SND1: variants seen among roughly 807,000 people sequenced by gnomAD.
SND1 encodes staphylococcal nuclease and tudor domain containing 1.
In SND1, 38 loss-of-function variants were observed where a neutral mutation model predicts 121.7. That is an observed-to-expected ratio of 0.31 (90% CI 0.24 to 0.41). The LOEUF is 0.41. SND1 is among the 10% of genes least tolerant of loss of function. The pLI is 1.00. For synonymous variants in SND1, 401 were observed against 447.4 expected (o/e 0.90, Z 1.31); for missense variants, 868 against 1,184.6 (o/e 0.73, Z 3.92).
intron 15 of SND1, among the ~76,000 whole-genome samples, chr7:127,975,769 G>T (rs566101403): frequency 1.3e-5 from 2 of 152,152 alleles, no homozygotes; most frequent in African/African-American, 4.8e-5. Context: ...TTTTGCCCTG[G>T]CATGAGACTT....
At chr7:127,822,246 A>C (rs927823439) in intron 11 of SND1, among the ~76,000 whole-genome samples, 2 of 152,166 alleles carry the variant, frequency 1.3e-5, no homozygotes, top group African/African-American at 4.8e-5. Flanking sequence ...CCCTTTTTAC[A>C]CATATACTAG....
chr7:127,774,533 C>T (rs760241417), intron 10 of SND1, among the ~76,000 whole-genome samples: 2 of 152,052 alleles, frequency 1.3e-5, no homozygotes, highest in Admixed American at 6.6e-5. Context: ...TCATGGAACA[C>T]GCTGTAGTCA....
At chr7:128,077,971 A>G (rs1476164408) in intron 17 of SND1, among the ~76,000 whole-genome samples, 1 of 152,212 alleles carries the variant, frequency 6.6e-6, no homozygotes, top group African/African-American at 2.4e-5. Flanking sequence ...CAGGAAGAGG[A>G]GCATCTACAA....
At chr7:128,019,488 G>A (rs1803300645) in intron 16 of SND1, among the ~76,000 whole-genome samples, 1 of 152,150 alleles carries the variant, frequency 6.6e-6, no homozygotes, top group South Asian at 2.1e-4. Context: ...GGTCTCTAGG[G>A]GAGCTAGCAG....
rs962078447 is a variant in SND1 at position 128,015,694 on chromosome 7, C to A, written c.1779+24638C>A. On this transcript the variant is annotated intron_variant, in intron 16 of 23. Transcript: ENST00000354725. The surrounding 1 kb of genome is among the most constrained non-coding windows in gnomAD (Gnocchi z 4.5). ...CAAGTATGAGAGGGGTCATGGGTGA[C>A]CTTGTTCAAGAGAAAGATATGGCTG... Among the ~76,000 whole-genome samples the A allele has an allele frequency of 6.6e-6, 1 of 152,118 alleles. No individual in the cohort carries two copies. The highest frequency in any genetic ancestry group is 1.5e-5 in the Non-Finnish European group (1 of 68,030).
chr7:127,871,075 T>C (rs1006796891), intron 12 of SND1, among the ~76,000 whole-genome samples: 3 of 152,166 alleles, frequency 2.0e-5, no homozygotes, highest in East Asian at 1.9e-4. Flanking sequence ...ACAGTCAGGA[T>C]AATCCTTATC....
At chr7:127,903,605 A>G (rs1800277173) in intron 13 of SND1, among the ~76,000 whole-genome samples, 1 of 152,162 alleles carries the variant, frequency 6.6e-6, no homozygotes, top group Non-Finnish European at 1.5e-5. Flanking sequence ...GGATGATAAA[A>G]GCCCAAGTGT....
chr7:127,718,037 A>AT (rs753855069), intron 9 of SND1, among the ~76,000 whole-genome samples: 7 of 151,930 alleles, frequency 4.6e-5, no homozygotes, highest in Non-Finnish European at 7.4e-5. Flanking sequence ...TCATTAAACC[A>AT]TTTTTTCCTT....
chr7:127,945,709 T>C (rs977525461), intron 15 of SND1, among the ~76,000 whole-genome samples: 2 of 151,864 alleles, frequency 1.3e-5, no homozygotes, highest in Non-Finnish European at 2.9e-5. Context: ...GAATAAGTGG[T>C]TTGGATTAGG....
chr7:128,024,815 G>C (rs1220625411), intron 16 of SND1, among the ~76,000 whole-genome samples: 2 of 152,164 alleles, frequency 1.3e-5, no homozygotes, highest in Non-Finnish European at 2.9e-5. Context: ...TAGAGCTGGG[G>C]TAGATACAGT....
chr7:127,717,445 C>A (rs1796410874), intron 9 of SND1, among the ~76,000 whole-genome samples: 1 of 151,980 alleles, frequency 6.6e-6, no homozygotes. Context: ...TTGTCTGATG[C>A]CTGATTTCCA....
At position 127,782,675 on chromosome 7, in the gene SND1, T is replaced by G. The variant is rs118029046; in HGVS notation, c.1153-24809T>G. ...TTAAAGAAAGTAACCAAACCTTACT[T>G]GGAACACTTGGCTCCTCCCTCTGCA... On this transcript the variant is annotated intron_variant, in intron 10 of 23. Transcript: ENST00000354725. Among the ~76,000 whole-genome samples, 921 of 152,258 alleles carry G rather than the reference T, an allele frequency of 6.0e-3. 6 individuals carry two copies. The highest frequency in any genetic ancestry group is 0.033 in the South Asian group (161 of 4,824).
chr7:127,856,181 A>G (rs183990908), intron 12 of SND1, among the ~76,000 whole-genome samples: 2 of 152,352 alleles, frequency 1.3e-5, no homozygotes, highest in East Asian at 3.9e-4. Flanking sequence ...AGCTTAACAC[A>G]TATTTACCAT....
At chr7:127,985,163 G>A (rs1165410176) in intron 15 of SND1, among the ~76,000 whole-genome samples, 1 of 152,230 alleles carries the variant, frequency 6.6e-6, no homozygotes, top group Admixed American at 6.5e-5. Context: ...TGTGCGGAGA[G>A]AACAGAGGTC....
chr7:127,943,945 G>T (rs890728589), intron 15 of SND1, among the ~76,000 whole-genome samples: 7 of 152,222 alleles, frequency 4.6e-5, no homozygotes, highest in African/African-American at 7.2e-5. Flanking sequence ...TGCTGAGCTG[G>T]TGCCTCAGAG....
chr7:127,764,249 A>C (rs1797369606), intron 10 of SND1, among the ~76,000 whole-genome samples: 1 of 152,214 alleles, frequency 6.6e-6, no homozygotes, highest in African/African-American at 2.4e-5. Context: ...ATTGATAATA[A>C]AAAACACTTT....
intron 10 of SND1, among the ~76,000 whole-genome samples, chr7:127,756,471 G>T (rs1405651517): frequency 6.6e-6 from 1 of 152,226 alleles, no homozygotes; most frequent in Non-Finnish European, 1.5e-5. Context: ...AAATAATATG[G>T]TGGGGGTATG....
intron 1 of SND1, among the ~76,000 whole-genome samples, chr7:127,663,784 C>T (rs1189231495): frequency 6.6e-6 from 1 of 152,130 alleles, no homozygotes; most frequent in South Asian, 2.1e-4. Flanking sequence ...AATCTGCTTT[C>T]TCTGGGTTCT....
chr7:127,698,266 T>A (rs1033228851), intron 3 of SND1, among the ~76,000 whole-genome samples: 1 of 152,144 alleles, frequency 6.6e-6, no homozygotes, highest in Non-Finnish European at 1.5e-5. Flanking sequence ...CTGAGAGGAA[T>A]TGGACTTTCT....
Sources: gnomAD v4.1 joint callset for allele counts (sites outside exome capture counted in the v4.1 genomes callset) on GRCh38, gnomAD v4.1.1 for gene constraint, Gnocchi (gnomAD v3.1) non-coding constraint, MANE v1.5 for transcripts, NCBI Gene and HGNC (gene_info 2026-07-23, HGNC 2026-07-21) for gene names.